The following PRKCE variants were observed in gnomAD, a reference collection of about 807,000 sequenced individuals.
The protein encoded by PRKCE is protein kinase C epsilon, also known as protein kinase C epsilon type.
A neutral mutation model predicts 85.4 loss-of-function variants in PRKCE; 16 were observed. The observed-to-expected ratio is 0.19, with a 90% CI of 0.13 to 0.28. The LOEUF is 0.28. PRKCE is among the 10% of genes least tolerant of loss of function. The pLI, the probability that PRKCE is intolerant of heterozygous loss-of-function variation, is 1.00. For missense variants in PRKCE, 573 were observed against 975.2 expected, an observed-to-expected ratio of 0.59 and a Z score of 5.49; for synonymous variants, 388 against 371.5, an observed-to-expected ratio of 1.04 and a Z score of -0.51.
chr2:45,917,753 G>T (rs879460287), intron 2 of PRKCE, among the ~76,000 whole-genome samples: 1 of 152,192 alleles, frequency 6.6e-6, no homozygotes, highest in East Asian at 1.9e-4. Context: ...CCGGCCGCAC[G>T]GGAGCTCACG....
At chr2:46,164,444 G>A (rs577389861) in intron 14 of PRKCE, among the ~76,000 whole-genome samples, 1 of 152,344 alleles carries the variant, frequency 6.6e-6, no homozygotes, top group African/African-American at 2.4e-5. Context: ...AGCCCCTGAG[G>A]GAGCTCCAGG....
At chr2:45,861,007 A>G (rs1004590073) in intron 2 of PRKCE, among the ~76,000 whole-genome samples, 2 of 152,222 alleles carry the variant, frequency 1.3e-5, no homozygotes, top group Non-Finnish European at 2.9e-5. Flanking sequence ...GTGCTGTTGC[A>G]GTAACACTTT....
In PRKCE at chr2:46,184,627, A is replaced by G; in HGVS notation, c.2068-108A>G. On this transcript the variant is annotated intron_variant, in intron 14 of 14. Transcript: ENST00000306156. This position sits in a 1 kb window ranked among gnomAD's most constrained non-coding sequence, Gnocchi z 5.0. ...CCGTGTCTGCTGTCTGTTGGTAGCT[A>G]GAGGCCTGCTTTGGTGACAGGCTGG... 1 of 1,385,774 alleles carries G rather than the reference A, an allele frequency of 7.2e-7. No homozygotes were observed. The highest frequency in any genetic ancestry group is 9.8e-7 in the Non-Finnish European group (1 of 1,020,910). 85.8% of individuals were successfully genotyped at this position (1,385,774 alleles called of 1,614,324 possible).
At chr2:45,684,276 T>A (rs1572934590) in intron 1 of PRKCE, among the ~76,000 whole-genome samples, 1 of 152,208 alleles carries the variant, frequency 6.6e-6, no homozygotes, top group Non-Finnish European at 1.5e-5. Flanking sequence ...CCTCTTTGAT[T>A]AACCAGAAGG....
intron 14 of PRKCE, among the ~76,000 whole-genome samples, chr2:46,179,985 T>A (rs1371643675): frequency 6.6e-6 from 1 of 152,234 alleles, no homozygotes; most frequent in East Asian, 1.9e-4. Context: ...TTCTAGCAGA[T>A]ATCTATGGAG....
intron 1 of PRKCE, among the ~76,000 whole-genome samples, chr2:45,673,673 T>G (rs1676282923): frequency 6.6e-6 from 1 of 152,340 alleles, no homozygotes; most frequent in African/African-American, 2.4e-5. Context: ...ATCCCAAGTG[T>G]TGTTTATAGA....
At chr2:45,761,246 G>T (rs934557927) in intron 1 of PRKCE, among the ~76,000 whole-genome samples, 1 of 138,440 alleles carries the variant, frequency 7.2e-6, no homozygotes, top group Non-Finnish European at 1.5e-5. Context: ...AGAATGGCGT[G>T]AACCCGGGAG....
intron 6 of PRKCE, among the ~76,000 whole-genome samples, chr2:45,985,646 C>A (rs887245532): frequency 2.2e-4 from 33 of 152,046 alleles, no homozygotes; most frequent in African/African-American, 6.0e-4. Flanking sequence ...GAAATAAGAT[C>A]AGGGCTGCAG....
In PRKCE at chr2:45,652,505, G is replaced by T. The variant is rs1675169168; in HGVS notation, c.348+57G>T. ...ACCCGGTTGTGGGGTCCCGGGGAAA[G>T]ACTCGCTGGTCTTGATCGTAGGGCT... On this transcript the variant is annotated intron_variant, in intron 1 of 14. Coordinates refer to ENST00000306156, the MANE Select transcript of PRKCE (RefSeq NM_005400.3). This position sits in a 1 kb window ranked among gnomAD's most constrained non-coding sequence, Gnocchi z 7.7. The T allele has an allele frequency of 6.8e-7, 1 of 1,464,698 alleles. No individual in the cohort carries two copies. Among genetic ancestry groups the T allele is most frequent in the African/African-American group, 1.4e-5 (1 of 71,782 alleles). 90.7% of individuals were successfully genotyped at this position (1,464,698 alleles called of 1,614,324 possible). A position where few individuals can be genotyped will look rare whatever the true frequency, so the allele number is the denominator to read the frequency against.
chr2:45,699,842 G>A (rs780052618), intron 1 of PRKCE, among the ~76,000 whole-genome samples: 15 of 152,266 alleles, frequency 9.9e-5, no homozygotes, highest in Non-Finnish European at 1.9e-4. Flanking sequence ...ATCCCGGAAG[G>A]CACCAGTGTG....
At chr2:46,010,590 C>T (rs1448078654) in intron 10 of PRKCE, 73 bp downstream of exon 10, 4 of 1,597,856 alleles carry the variant, frequency 2.5e-6, no homozygotes, top group Non-Finnish European at 3.4e-6. Context: ...CAATTTTAGA[C>T]CCTCTACATT....
chr2:45,961,682 C>T lies in PRKCE; in HGVS notation c.413-14747C>T, dbSNP rs550666781. Among the ~76,000 whole-genome samples, 56 of 146,176 alleles carry T rather than the reference C, an allele frequency of 3.8e-4. No homozygotes were observed. The South Asian group carries it at 0.011, about 28-fold the overall frequency. Reference sequence around the variant, plus strand: ...CTGCCTTGGCCAGGGCAGTGCTACTCCATTGCCAGGATTCTTTTTTTTTTT... The same window carrying T: ...CTGCCTTGGCCAGGGCAGTGCTACTTCATTGCCAGGATTCTTTTTTTTTTT... On this transcript the variant is annotated intron_variant, in intron 2 of 14. Transcript: ENST00000306156.
intron 10 of PRKCE, among the ~76,000 whole-genome samples, chr2:46,018,680 A>T (rs1163356372): frequency 6.6e-6 from 1 of 152,214 alleles, no homozygotes; most frequent in Non-Finnish European, 1.5e-5. Flanking sequence ...TACTACTAAC[A>T]TTTCGATGTG....
intron 2 of PRKCE, among the ~76,000 whole-genome samples, chr2:45,942,367 T>A (rs56306811): frequency 0.082 from 12,536 of 152,234 alleles, 680 homozygotes; most frequent in East Asian, 0.12. Context: ...GACTTCCAAA[T>A]TGTGCAAGTG....
chr2:45,993,752 G>A (rs950890073), intron 6 of PRKCE, among the ~76,000 whole-genome samples: 33 of 152,138 alleles, frequency 2.2e-4, no homozygotes, highest in African/African-American at 7.7e-4. Context: ...GCATCAAAGG[G>A]CAGCTGATGC....
At chr2:45,834,493 C>T (rs1407763053) in intron 1 of PRKCE, among the ~76,000 whole-genome samples, 2 of 152,188 alleles carry the variant, frequency 1.3e-5, no homozygotes, top group East Asian at 3.8e-4. Flanking sequence ...TTTGCTCCTC[C>T]TGTCATGTCC....
Position 46,001,308 on chromosome 2 carries a change from G to GTAATACTTCATGAACATA in PRKCE, c.824-89_824-72dup. 8.9e-7 allele frequency: 1 copy of GTAATACTTCATGAACATA among 1,127,306 alleles called. No individual in the cohort carries two copies. Among genetic ancestry groups the GTAATACTTCATGAACATA allele is most frequent in the African/African-American group, 1.6e-5 (1 of 61,546 alleles). The allele number at this position is 1,127,306 out of a possible 1,614,324, so 69.8% of individuals were successfully genotyped here. On this transcript the variant is annotated intron_variant, in intron 6 of 14. Coordinates refer to ENST00000306156, the MANE Select transcript of PRKCE (RefSeq NM_005400.3). This position sits in a 1 kb window ranked among gnomAD's most constrained non-coding sequence, Gnocchi z 4.4. Reference sequence around the variant, plus strand: ...TCCAAATTATATCTTAAATGAACATGTAATACTTCATGAACATATAATACA... The same window carrying GTAATACTTCATGAACATA: ...TCCAAATTATATCTTAAATGAACATGTAATACTTCATGAACATATAATACTTCATGAACATATAATACA...
intron 11 of PRKCE, among the ~76,000 whole-genome samples, chr2:46,107,860 G>A (rs1671879851): frequency 6.6e-6 from 1 of 152,146 alleles, no homozygotes; most frequent in Admixed American, 6.6e-5. Context: ...CTGTATATCT[G>A]TAAAGGTATC....
chr2:45,782,936 A>G (rs1252767912), intron 1 of PRKCE, among the ~76,000 whole-genome samples: 1 of 152,208 alleles, frequency 6.6e-6, no homozygotes, highest in Non-Finnish European at 1.5e-5. Flanking sequence ...ACATCCCCTC[A>G]GATGACCTAC....
Sources: gnomAD v4.1 joint callset for allele counts (sites outside exome capture counted in the v4.1 genomes callset) on GRCh38, gnomAD v4.1.1 for gene constraint, Gnocchi (gnomAD v3.1) non-coding constraint, MANE v1.5 for transcripts, NCBI Gene and HGNC (gene_info 2026-07-23, HGNC 2026-07-21) for gene names.